The following SNAP25 variants were observed in gnomAD, a reference collection of about 807,000 sequenced individuals.
The protein encoded by SNAP25 is synaptosome associated protein 25, also known as synaptosomal-associated protein 25.
In SNAP25, 3 loss-of-function variants were observed where a neutral mutation model predicts 28.7. The ratio of observed to expected loss-of-function variants is 0.10; its 90% CI spans 0.05 to 0.27. The LOEUF is 0.27. SNAP25 is among the 10% of genes least tolerant of loss of function. The pLI, the probability that SNAP25 is intolerant of heterozygous loss-of-function variation, is 1.00. For synonymous variants in SNAP25, 61 were observed against 88.1 expected, an observed-to-expected ratio of 0.69 and a Z score of 1.72; for missense variants, 117 against 278.7, an observed-to-expected ratio of 0.42 and a Z score of 4.13.
intron 1 of SNAP25, among the ~76,000 whole-genome samples, chr20:10,235,681 G>A (rs2062905958): frequency 6.6e-6 from 1 of 152,170 alleles, no homozygotes; most frequent in Non-Finnish European, 1.5e-5. Flanking sequence ...GTGTCTATGG[G>A]CTAATGAGTT....
rs976839531 is a variant in SNAP25, at chr20:10,307,342, TC to T, written c.*1147del. ...ATTATAGCATGTAATATTAAATTCCTCCTGTCTCCTCTGTCAGTTTGTGAAG... is the reference window on the plus strand; with the variant it reads ...ATTATAGCATGTAATATTAAATTCCTCTGTCTCCTCTGTCAGTTTGTGAAG... On this transcript the variant is annotated 3_prime_UTR_variant, in exon 8 of 8. Coordinates refer to ENST00000254976, the MANE Select transcript of SNAP25 (RefSeq NM_130811.4). 1 of 152,650 alleles carries T rather than the reference TC, an allele frequency of 6.6e-6. No individual in the cohort carries two copies. The highest frequency in any genetic ancestry group is 1.5e-5 in the Non-Finnish European group (1 of 68,034). 9.5% of individuals were successfully genotyped at this position (152,650 alleles called of 1,614,324 possible). A position where few individuals can be genotyped will look rare whatever the true frequency, so the allele number is the denominator to read the frequency against.
At chr20:10,272,553 C>A (rs2063614144) in intron 1 of SNAP25, among the ~76,000 whole-genome samples, 1 of 152,272 alleles carries the variant, frequency 6.6e-6, no homozygotes, top group Non-Finnish European at 1.5e-5. Flanking sequence ...GGTGTAAATT[C>A]CTTCCAGTGT....
chr20:10,264,983 G>A (rs777643245), intron 1 of SNAP25, among the ~76,000 whole-genome samples: 28 of 149,204 alleles, frequency 1.9e-4, no homozygotes, highest in Admixed American at 4.7e-4. Context: ...GTGCAGTGGC[G>A]CGATCTCGGC....
At chr20:10,253,410 T>C (rs2063264438) in intron 1 of SNAP25, among the ~76,000 whole-genome samples, 1 of 152,208 alleles carries the variant, frequency 6.6e-6, no homozygotes, top group Non-Finnish European at 1.5e-5. Context: ...TTACTAGCTA[T>C]GTGACTCTAG....
At chr20:10,230,489 A>G (rs1014178159) in intron 1 of SNAP25, among the ~76,000 whole-genome samples, 3 of 152,168 alleles carry the variant, frequency 2.0e-5, no homozygotes, top group Non-Finnish European at 2.9e-5. Context: ...TTCTCAAACT[A>G]TGGTGTTTAG....
intron 1 of SNAP25, among the ~76,000 whole-genome samples, chr20:10,228,058 G>A (rs141159859): frequency 3.0e-4 from 46 of 152,116 alleles, no homozygotes; most frequent in African/African-American, 1.1e-3. Flanking sequence ...GGCATGATTT[G>A]GTAAATAAGT....
chr20:10,227,879 T>A (rs2062760866), intron 1 of SNAP25, among the ~76,000 whole-genome samples: 1 of 152,164 alleles, frequency 6.6e-6, no homozygotes. Flanking sequence ...GGCCAACTTG[T>A]GTTTTCAGGG....
At chr20:10,251,974 C>G (rs751802787) in intron 1 of SNAP25, among the ~76,000 whole-genome samples, 2 of 152,154 alleles carry the variant, frequency 1.3e-5, no homozygotes, top group Non-Finnish European at 2.9e-5. Context: ...CAGCACATGC[C>G]AAACCAGGAT....
intron 4 of SNAP25, among the ~76,000 whole-genome samples, chr20:10,285,052 A>T (rs1190411209): frequency 9.0e-6 from 1 of 110,826 alleles, no homozygotes; most frequent in African/African-American, 3.6e-5. Flanking sequence ...CATTTTTTTT[A>T]AATGATAGTA....
intron 1 of SNAP25, among the ~76,000 whole-genome samples, chr20:10,237,983 T>C (rs1055470906): frequency 3.3e-5 from 5 of 152,234 alleles, no homozygotes; most frequent in African/African-American, 7.2e-5. Flanking sequence ...GTTGGCTCCA[T>C]GGAATTAACT....
chr20:10,267,072 A>G (rs1292324509), intron 1 of SNAP25, among the ~76,000 whole-genome samples: 3 of 152,206 alleles, frequency 2.0e-5, no homozygotes, highest in Non-Finnish European at 2.9e-5. Flanking sequence ...CAACATATTG[A>G]AAATAAAATT....
chr20:10,264,485 G>T (rs1401042548), intron 1 of SNAP25, among the ~76,000 whole-genome samples: 2 of 152,140 alleles, frequency 1.3e-5, no homozygotes, highest in African/African-American at 4.8e-5. Flanking sequence ...ACTTGAGATT[G>T]TTCTTCAGCC....
At chr20:10,231,309 T>G (rs1415460786) in intron 1 of SNAP25, among the ~76,000 whole-genome samples, 2 of 152,196 alleles carry the variant, frequency 1.3e-5, no homozygotes, top group African/African-American at 4.8e-5. Flanking sequence ...GTCCTCCTCT[T>G]GCTTAGAATC....
intron 1 of SNAP25, among the ~76,000 whole-genome samples, chr20:10,261,211 C>A (rs2063409298): frequency 6.6e-6 from 1 of 152,126 alleles, no homozygotes; most frequent in Non-Finnish European, 1.5e-5. Context: ...AAGCCCTTGA[C>A]CACATTGTTC....
chr20:10,230,945 T>C (rs978603303), intron 1 of SNAP25, among the ~76,000 whole-genome samples: 1 of 152,146 alleles, frequency 6.6e-6, no homozygotes, highest in Non-Finnish European at 1.5e-5. Flanking sequence ...CTTTGTTTTC[T>C]TCAACAGTGG....
chr20:10,250,512 T>C (rs1195577969), intron 1 of SNAP25, among the ~76,000 whole-genome samples: 3 of 152,212 alleles, frequency 2.0e-5, no homozygotes, highest in Non-Finnish European at 2.9e-5. Flanking sequence ...CCTTAAAGTA[T>C]TTATCTCTAG....
chr20:10,299,745 A>G (rs866060267), intron 7 of SNAP25, among the ~76,000 whole-genome samples: 3 of 152,222 alleles, frequency 2.0e-5, no homozygotes, highest in Admixed American at 1.3e-4. Flanking sequence ...GAGCCTCCAG[A>G]TGAATTTTCT....
At chr20:10,263,522 G>T (rs1049866197) in intron 1 of SNAP25, among the ~76,000 whole-genome samples, 1 of 152,176 alleles carries the variant, frequency 6.6e-6, no homozygotes, top group African/African-American at 2.4e-5. Flanking sequence ...TCATGAGAAT[G>T]GTGGGAGTGG....
intron 1 of SNAP25, among the ~76,000 whole-genome samples, chr20:10,228,158 T>A (rs889022518): frequency 1.3e-5 from 2 of 152,140 alleles, no homozygotes; most frequent in Non-Finnish European, 2.9e-5. Context: ...AAACACGGGT[T>A]ACTCTGCATC....
Sources: gnomAD v4.1 joint callset for allele counts (sites outside exome capture counted in the v4.1 genomes callset) on GRCh38, gnomAD v4.1.1 for gene constraint, MANE v1.5 for transcripts, NCBI Gene and HGNC (gene_info 2026-07-23, HGNC 2026-07-21) for gene names.